Variants in CSMD1 observed in about 807,000 individuals in gnomAD.
The protein encoded by CSMD1 is CUB and Sushi multiple domains 1.
In CSMD1, 213 loss-of-function variants were observed where a neutral mutation model predicts 417.5. That is an observed-to-expected ratio of 0.51 (90% confidence interval 0.46 to 0.57). The LOEUF is 0.57. Among genes scored for constraint, CSMD1 ranks in the 20% least tolerant of loss-of-function variants. The probability of loss-of-function intolerance (pLI) is 0.00; values close to 1 mark genes in which losing one functional copy is unlikely to be tolerated. For synonymous variants in CSMD1, 2,862 were observed against 1,736.8 expected (o/e 1.65, Z -16.11); for missense variants, 6,923 against 4,529.7 (o/e 1.53, Z -15.17).
At chr8:4,530,844 T>A (rs1196870067) in intron 2 of CSMD1, among the ~76,000 whole-genome samples, 1 of 151,972 alleles carries the variant, frequency 6.6e-6, no homozygotes, top group Admixed American at 6.6e-5. Flanking sequence ...CGCTTTCTTT[T>A]CCTTATTTCC....
intron 2 of CSMD1, among the ~76,000 whole-genome samples, chr8:4,444,752 G>A (rs373743424): frequency 6.6e-6 from 1 of 152,178 alleles, no homozygotes; most frequent in Non-Finnish European, 1.5e-5. Context: ...ATATGAATAT[G>A]TCTACCTAAT....
rs115012504 is a variant in CSMD1 at position 4,798,395 on chromosome 8, G to A, written c.86-160837C>T. 4.4e-3 allele frequency among the ~76,000 whole-genome samples: 669 copies of A among 152,178 alleles called. 10 individuals carry two copies. Among genetic ancestry groups the A allele is most frequent in the African/African-American group, 0.016 (644 of 41,510 alleles). ...CATGGTGTATATGTGCATTTTTAATGACTAAAAATATTCTAATTTTTAAGG... is the reference window on the plus strand; with the variant it reads ...CATGGTGTATATGTGCATTTTTAATAACTAAAAATATTCTAATTTTTAAGG... On this transcript the variant is annotated intron_variant, in intron 1 of 69. Transcript: ENST00000635120.
intron 6 of CSMD1, among the ~76,000 whole-genome samples, chr8:3,742,232 T>C (rs2623717): frequency 0.99 from 150,228 of 152,286 alleles, 74,129 homozygotes; most frequent in East Asian, 1. Flanking sequence ...TGTAGATAGA[T>C]TTAATTCTCA....
chr8:4,193,103 T>C (rs1799124620), intron 3 of CSMD1, among the ~76,000 whole-genome samples: 2 of 152,216 alleles, frequency 1.3e-5, no homozygotes, highest in African/African-American at 2.4e-5. Flanking sequence ...GTGCCTTAAA[T>C]TTACTTTGAA....
At chr8:3,679,693 C>G (rs946197335) in intron 7 of CSMD1, among the ~76,000 whole-genome samples, 2 of 152,186 alleles carry the variant, frequency 1.3e-5, no homozygotes, top group African/African-American at 4.8e-5. Context: ...ACCTAATAGA[C>G]ATCTACCTAA....
chr8:3,940,687 C>A (rs948471885), intron 5 of CSMD1, among the ~76,000 whole-genome samples: 1 of 151,230 alleles, frequency 6.6e-6, no homozygotes, highest in Non-Finnish European at 1.5e-5. Context: ...TATAACATAC[C>A]TACATTGCTT....
chr8:4,162,404 T>G (rs1002749187), intron 3 of CSMD1, among the ~76,000 whole-genome samples: 1 of 152,182 alleles, frequency 6.6e-6, no homozygotes, highest in East Asian at 1.9e-4. Flanking sequence ...AGTAAATCTT[T>G]GAGGATATAG....
At chr8:4,909,888 C>T (rs1805548671) in intron 1 of CSMD1, among the ~76,000 whole-genome samples, 2 of 152,150 alleles carry the variant, frequency 1.3e-5, no homozygotes, top group Admixed American at 1.3e-4. Flanking sequence ...TTGGGGTTTG[C>T]CCAGCTTTTT....
chr8:4,020,405 A>G (rs1042731428), intron 4 of CSMD1, among the ~76,000 whole-genome samples: 8 of 152,204 alleles, frequency 5.3e-5, no homozygotes, highest in Middle Eastern at 3.2e-3. Context: ...TGAGCATGAC[A>G]TCTGTTCAAA....
intron 3 of CSMD1, among the ~76,000 whole-genome samples, chr8:4,233,075 T>C (rs1346975249): frequency 6.6e-6 from 1 of 152,236 alleles, no homozygotes; most frequent in African/African-American, 2.4e-5. Flanking sequence ...AAGCTCATTG[T>C]TCTGTGCACT....
intron 5 of CSMD1, among the ~76,000 whole-genome samples, chr8:3,869,592 A>G (rs1187367775): frequency 1.3e-5 from 2 of 152,138 alleles, no homozygotes; most frequent in Non-Finnish European, 1.5e-5. Context: ...TATCAGATAT[A>G]AATAGTGAGA....
chr8:3,789,589 T>G (rs570707252), intron 5 of CSMD1, among the ~76,000 whole-genome samples: 1 of 151,894 alleles, frequency 6.6e-6, no homozygotes, highest in Admixed American at 6.6e-5. Context: ...AAAGCTTATA[T>G]GACTAGAGAT....
rs542578248 is a variant in CSMD1 at position 4,814,833 on chromosome 8, T to C, written c.86-177275A>G. ...GTAATAAGGTACCCCAAAATTATAA[T>C]ACTGCGGACTCTTAATCATTTGTTA... On this transcript the variant is annotated intron_variant, in intron 1 of 69. Coordinates refer to ENST00000635120, the MANE Select transcript of CSMD1 (RefSeq NM_033225.6). 1.2e-4 allele frequency among the ~76,000 whole-genome samples: 18 copies of C among 152,232 alleles called. No homozygotes were observed. In the South Asian group the frequency reaches 3.3e-3, roughly 28 times the overall value.
At chr8:3,763,532 T>A (rs1238129030) in intron 5 of CSMD1, among the ~76,000 whole-genome samples, 1 of 152,158 alleles carries the variant, frequency 6.6e-6, no homozygotes, top group Non-Finnish European at 1.5e-5. Flanking sequence ...GAATAAAAAT[T>A]TCTTCAGGCC....
chr8:4,030,866 G>T (rs1417854687), intron 4 of CSMD1, among the ~76,000 whole-genome samples: 1 of 152,098 alleles, frequency 6.6e-6, no homozygotes, highest in African/African-American at 2.4e-5. Flanking sequence ...TATTCCTCCA[G>T]ATACCCCAAA....
chr8:3,846,921 C>T (rs575045709), intron 5 of CSMD1, among the ~76,000 whole-genome samples: 4 of 152,290 alleles, frequency 2.6e-5, no homozygotes, highest in South Asian at 2.1e-4. Context: ...GTGATCCACC[C>T]GCCCTGGCCT....
intron 49 of CSMD1, among the ~76,000 whole-genome samples, chr8:3,058,956 C>A (rs1173614364): frequency 6.6e-6 from 1 of 152,050 alleles, no homozygotes; most frequent in African/African-American, 2.4e-5. Flanking sequence ...GCTCAACAAC[C>A]AGCCCTCTCT....
intron 7 of CSMD1, among the ~76,000 whole-genome samples, chr8:3,627,412 T>C (rs1796546236): frequency 6.6e-6 from 1 of 152,162 alleles, no homozygotes; most frequent in Non-Finnish European, 1.5e-5. Context: ...GCATATCACC[T>C]CGAGTCCTGA....
rs1389304079 is a variant in CSMD1, at chr8:3,670,645, A to G, written c.1009+37769T>C. On this transcript the variant is annotated intron_variant, in intron 7 of 69. Coordinates refer to ENST00000635120, the MANE Select transcript of CSMD1 (RefSeq NM_033225.6). ...ATATATATGGGATATTTATATATGA[A>G]GGATATATACATGGGATATATGTAC... Among the ~76,000 whole-genome samples, 4 of 147,642 alleles carry G rather than the reference A, an allele frequency of 2.7e-5. 1 individual carries two copies. Among genetic ancestry groups the G allele is most frequent in the Non-Finnish European group, 6.0e-5 (4 of 66,782 alleles).
Sources: gnomAD v4.1 joint callset for allele counts (sites outside exome capture counted in the v4.1 genomes callset) on GRCh38, gnomAD v4.1.1 for gene constraint, MANE v1.5 for transcripts, NCBI Gene and HGNC (gene_info 2026-07-23, HGNC 2026-07-21) for gene names.